DMXL2: variants seen among roughly 807,000 people sequenced by gnomAD.
DMXL2 encodes dmX-like protein 2.
Under a neutral mutation model 331.1 loss-of-function variants are expected in DMXL2, and 103 were observed. The ratio of observed to expected loss-of-function variants is 0.31; its 90% CI spans 0.27 to 0.37. DMXL2 has a LOEUF of 0.37. Among genes scored for constraint, DMXL2 ranks in the 10% least tolerant of loss-of-function variants. The pLI is 1.00. For missense variants in DMXL2, 3,171 were observed against 3,642.9 expected (o/e 0.87, Z 3.33); for synonymous variants, 1,281 against 1,252.1 (o/e 1.02, Z -0.49).
chr15:51,555,405 GCA>G (rs1405514924), intron 6 of DMXL2, among the ~76,000 whole-genome samples: 3 of 152,038 alleles, frequency 2.0e-5, no homozygotes, highest in African/African-American at 7.2e-5. Flanking sequence ...AGAGGTACAG[GCA>G]AAAAATACAA....
At chr15:51,596,513 C>T (rs1595685508) in intron 1 of DMXL2, among the ~76,000 whole-genome samples, 1 of 152,206 alleles carries the variant, frequency 6.6e-6, no homozygotes. Flanking sequence ...GTCAGTGTGG[C>T]AATTCCTCAG....
At chr15:51,571,938 G>A (rs1313823278) in intron 2 of DMXL2, among the ~76,000 whole-genome samples, 2 of 152,120 alleles carry the variant, frequency 1.3e-5, no homozygotes, top group Admixed American at 1.3e-4. Flanking sequence ...ACTAAGATCA[G>A]AGCAGAACTG....
chr15:51,448,929 G>C lies in DMXL2; in HGVS notation c.*55C>G, dbSNP rs1595858769. 1 of 1,532,274 alleles carries C rather than the reference G, an allele frequency of 6.5e-7. No individual in the cohort carries two copies. Among genetic ancestry groups the C allele is most frequent in the Non-Finnish European group, 8.9e-7 (1 of 1,117,800 alleles). The allele number at this position is 1,532,274 out of a possible 1,614,324, so 94.9% of individuals were successfully genotyped here. A position where few individuals can be genotyped will look rare whatever the true frequency, so the allele number is the denominator to read the frequency against. On this transcript the variant is annotated 3_prime_UTR_variant, in exon 44 of 44. Transcript: ENST00000560891. ...TGCTTAGAAAGCAGAATTGCCTAGT[G>C]ATGACTGTAGTGTGCCTTTTAACTG... is the stretch of plus-strand genomic sequence containing the variant.
In DMXL2 at chr15:51,465,598, T is replaced by G; in HGVS notation, c.7574A>C (p.Asn2525Thr). The G allele has an allele frequency of 2.5e-6, 4 of 1,607,940 alleles. No homozygotes were observed. The highest frequency in any genetic ancestry group is 3.4e-6 in the Non-Finnish European group (4 of 1,178,000). The change falls in exon 31 of 44, where the codon AAT (asparagine) becomes ACT (threonine). Residue 2525 changes from asparagine (N) to threonine (T), a missense_variant. By Grantham distance (65) the Asn-to-Thr change is moderately conservative (BLOSUM62 0). Around this residue, in one of 7 missense-constraint regions of DMXL2, gnomAD observed 766 missense variants for 940.5 expected, o/e 0.81. Transcript: ENST00000560891. ...MVKLALHNVK[N>T]FFPIAGLEFS... The stretch of plus-strand genomic sequence containing the variant: ...TTCCAGTCCAGCAATAGGAAAGAAA[T>G]TCTTGACATTGTGAAGTGCTAGTTT...
At chr15:51,488,446 T>C in intron 21 of DMXL2, 102 bp downstream of exon 21, 1 of 1,032,520 alleles carries the variant, frequency 9.7e-7, no homozygotes, top group Non-Finnish European at 1.5e-6. Context: ...GAAGTGGATT[T>C]GATGAAGCTC....
intron 9 of DMXL2, among the ~76,000 whole-genome samples, chr15:51,542,032 A>G (rs559479613): frequency 4.6e-5 from 7 of 152,228 alleles, no homozygotes; most frequent in Non-Finnish European, 8.8e-5. Flanking sequence ...ACACTAATTT[A>G]CCAGGCTGCC....
At chr15:51,542,240 A>T in intron 9 of DMXL2, 93 bp downstream of exon 9, 1 of 1,250,284 alleles carries the variant, frequency 8.0e-7, no homozygotes. Flanking sequence ...GGCAACATGA[A>T]ATAATAAAAA....
chr15:51,621,132 C>G (rs2054600085), intron 1 of DMXL2, among the ~76,000 whole-genome samples: 2 of 152,210 alleles, frequency 1.3e-5, no homozygotes, highest in South Asian at 4.1e-4. Context: ...GAAGACAAAG[C>G]TCAGCTCTAT....
intron 36 of DMXL2, 45 bp from the exon 37 acceptor site, chr15:51,457,511 T>C (rs2039735094): frequency 6.3e-7 from 1 of 1,596,674 alleles, no homozygotes; most frequent in Non-Finnish European, 8.5e-7. Context: ...CCCTTTTCTC[T>C]TAACACAAAT....
chr15:51,611,045 A>G (rs940102157), intron 1 of DMXL2, among the ~76,000 whole-genome samples: 1 of 152,116 alleles, frequency 6.6e-6, no homozygotes, highest in Non-Finnish European at 1.5e-5. Context: ...GACAAAAATG[A>G]GCTAAGCATT....
In DMXL2 at chr15:51,499,343, G is replaced by C; in HGVS notation, c.3881C>G (p.Ala1294Gly). The change falls in exon 18 of 44, where the codon GCA becomes GGA. Residue 1294 changes from alanine to glycine, a missense_variant. Ala to Gly is a moderately conservative substitution (Grantham distance 60, BLOSUM62 0). Transcript: ENST00000560891. ...TTTAAAGGTCGAATGATCTTGCATT[G>C]CTGCCTCTTCTGCATTAGAACTATC... The part of the protein sequence containing the change: ...EADSSNAEEA[A>G]MQDHSTFKSN... 3.7e-6 allele frequency: 6 copies of C among 1,613,864 alleles called. No homozygotes were observed. The highest frequency in any genetic ancestry group is 3.3e-4 in the Middle Eastern group (2 of 6,062).
chr15:51,481,652 A>C, intron 23 of DMXL2, 29 bp from the exon 24 acceptor site: 1 of 1,509,620 alleles, frequency 6.6e-7, no homozygotes, highest in Non-Finnish European at 8.9e-7. Context: ...TAAAATCACA[A>C]AGCATTGTGT....
chr15:51,541,991 G>T (rs1278617522), intron 9 of DMXL2, among the ~76,000 whole-genome samples: 2 of 152,104 alleles, frequency 1.3e-5, no homozygotes, highest in Non-Finnish European at 2.9e-5. Flanking sequence ...AGAAGAGTTG[G>T]GAAGATTTAA....
intron 14 of DMXL2, among the ~76,000 whole-genome samples, chr15:51,515,396 A>G (rs929425053): frequency 6.6e-6 from 1 of 152,146 alleles, no homozygotes; most frequent in African/African-American, 2.4e-5. Context: ...AATAAAGGAA[A>G]ACCTGCCTCT....
intron 13 of DMXL2, among the ~76,000 whole-genome samples, chr15:51,529,161 G>GA (rs1400421257): frequency 6.6e-6 from 1 of 151,902 alleles, no homozygotes; most frequent in Non-Finnish European, 1.5e-5. Context: ...AAAAAACAAG[G>GA]AAGACTTCAA....
Position 51,536,727 on chromosome 15 carries a change from A to G in DMXL2, c.1753T>C (p.Ser585Pro). The G allele has an allele frequency of 1.2e-6, 2 of 1,614,120 alleles. No homozygotes were observed. The highest frequency in any genetic ancestry group is 1.7e-5 in the Admixed American group (1 of 60,000). The change falls in exon 12 of 44, where the codon TCT becomes CCT. Residue 585 changes from serine (S) to proline (P), a missense_variant. Around this residue, in one of 7 missense-constraint regions of DMXL2, gnomAD observed 1,674 missense variants for 1,780.2 expected, o/e 0.94. Coordinates refer to ENST00000560891, the MANE Select transcript of DMXL2 (RefSeq NM_001378457.1). ...HHTLLHQEGM[S>P]VGSPHGSQPH... ...TGTGATCCGTGAGGACTGCCTACAG[A>G]CATCCCCTCCTGGTGTAACAGCGTG...
chr15:51,532,653 C>T (rs911002301), intron 13 of DMXL2, among the ~76,000 whole-genome samples: 1 of 152,058 alleles, frequency 6.6e-6, no homozygotes, highest in African/African-American at 2.4e-5. Flanking sequence ...CAAATATATA[C>T]ATCTACTATG....
Position 51,450,335 on chromosome 15 carries a change from G to C in DMXL2, c.8761C>G (p.His2921Asp). The C allele has an allele frequency of 6.2e-7, 1 of 1,613,792 alleles. No individual in the cohort carries two copies. Among genetic ancestry groups the C allele is most frequent in the Non-Finnish European group, 8.5e-7 (1 of 1,179,916 alleles). The change falls in exon 43 of 44, where the codon CAC (histidine) becomes GAC (aspartate). Residue 2921 changes from histidine (H) to aspartate (D), a missense_variant. His to Asp is a moderately conservative substitution (Grantham distance 81). Around this residue, in one of 7 missense-constraint regions of DMXL2, gnomAD observed 766 missense variants for 940.5 expected, o/e 0.81. Coordinates refer to ENST00000560891, the MANE Select transcript of DMXL2 (RefSeq NM_001378457.1). ...TGCAGTACCGTGGCACCATGATCGT[G>C]GCACGTGAAACCTGAAGAAGAAAAA... ...GNSLIHGFTC[H>D]DHGATVLQYA...
intron 2 of DMXL2, among the ~76,000 whole-genome samples, chr15:51,573,943 T>C (rs2050845022): frequency 6.6e-6 from 1 of 152,052 alleles, no homozygotes; most frequent in South Asian, 2.1e-4. Flanking sequence ...AAAGCATGCA[T>C]CTTTGTCAGA....
Sources: gnomAD v4.1 joint callset for allele counts (sites outside exome capture counted in the v4.1 genomes callset) on GRCh38, gnomAD v4.1.1 for gene constraint, gnomAD v4.1.1 regional missense constraint, MANE v1.5 for transcripts, NCBI Gene and HGNC (gene_info 2026-07-23, HGNC 2026-07-21) for gene names.